The following PODN variants were observed in gnomAD, a reference collection of about 807,000 sequenced individuals.
PODN encodes podocan proteoglycan.
PODN carries 40 observed loss-of-function variants against 52.7 expected under a neutral mutation model. The ratio of observed to expected loss-of-function variants is 0.76; its 90% CI spans 0.59 to 0.99. PODN has a LOEUF of 0.99. Among genes scored for constraint, PODN ranks in the 50% least tolerant of loss-of-function variants. The pLI is 0.00. For missense variants in PODN, 720 were observed against 815.1 expected, an observed-to-expected ratio of 0.88 and a Z score of 1.42; for synonymous variants, 396 against 377.9, an observed-to-expected ratio of 1.05 and a Z score of -0.56.
In PODN at chr1:53,070,130, G is replaced by C; in HGVS notation, c.275G>C (p.Gly92Ala). 4 of 1,611,504 alleles carry C rather than the reference G, an allele frequency of 2.5e-6. No homozygotes were observed. Among genetic ancestry groups the C allele is most frequent in the Non-Finnish European group, 3.4e-6 (4 of 1,179,996 alleles). Residue 92 changes from glycine (G) to alanine (A), a missense_variant, in exon 2 of 11, where the codon GGG becomes GCG. Coordinates refer to ENST00000312553, the MANE Select transcript of PODN (RefSeq NM_153703.5). ...CGGIDLREFP[G>A]DLPEHTNHLS... Reference sequence around the variant, plus strand: ...GGTATTGACCTGCGTGAGTTCCCGGGGGACCTGCCTGAGCACACCAACCAC... The same window carrying C: ...GGTATTGACCTGCGTGAGTTCCCGGCGGACCTGCCTGAGCACACCAACCAC...
chr1:53,073,532 C>T (rs1644150172), intron 3 of PODN: 1 of 152,222 alleles, frequency 6.6e-6, no homozygotes. Flanking sequence ...GCTGAGCTTC[C>T]AGAACCTTGT....
chr1:53,076,585 T>C (rs1238758163), intron 5 of PODN, among the ~76,000 whole-genome samples: 2 of 152,204 alleles, frequency 1.3e-5, no homozygotes, highest in African/African-American at 4.8e-5. Context: ...GTCTGTCTCA[T>C]TGGTCATGTC....
intron 3 of PODN, chr1:53,073,503 G>A (rs893560502): frequency 6.6e-6 from 1 of 152,242 alleles, no homozygotes; most frequent in Non-Finnish European, 1.5e-5. Flanking sequence ...GGGATGCGCA[G>A]GAGAGAGGCT....
chr1:53,072,584 G>A (rs902652260), intron 3 of PODN, among the ~76,000 whole-genome samples: 14 of 152,138 alleles, frequency 9.2e-5, no homozygotes, highest in African/African-American at 2.2e-4. Context: ...GGACAACCCC[G>A]GTGCCCTCCC....
rs1644233889 is a variant in PODN, at chr1:53,078,612, A to C, written c.1102A>C (p.Asn368His). 2 of 1,613,040 alleles carry C rather than the reference A, an allele frequency of 1.2e-6. No homozygotes were observed. The highest frequency in any genetic ancestry group is 1.7e-6 in the Non-Finnish European group (2 of 1,179,988). ...GCGGTTGCACACGGTGCACCTGTAC[A>C]ACAACGCGCTGGAGCGCGTGCCCAG... is the stretch of plus-strand genomic sequence containing the variant. ...LKRLHTVHLY[N>H]NALERVPSGL... The change falls in exon 8 of 11, where the codon AAC (asparagine) becomes CAC (histidine). Residue 368 changes from asparagine to histidine, a missense_variant. Transcript: ENST00000312553.
At chr1:53,063,883 G>C (rs932350126) in intron 1 of PODN, among the ~76,000 whole-genome samples, 1 of 152,088 alleles carries the variant, frequency 6.6e-6, no homozygotes, top group Admixed American at 6.5e-5. Context: ...TGGCGGTGGA[G>C]GCCCTTGGCC....
At chr1:53,072,994 G>A (rs192986824) in intron 3 of PODN, 5 of 216,908 alleles carry the variant, frequency 2.3e-5, no homozygotes, top group Non-Finnish European at 3.9e-5. Flanking sequence ...CCCGGGAGGC[G>A]GAGGTTGCAG....
In PODN at chr1:53,071,516, CG is replaced by C; in HGVS notation, c.313-17del. On this transcript the variant is annotated intron_variant, in intron 2 of 10. Coordinates refer to ENST00000312553, the MANE Select transcript of PODN (RefSeq NM_153703.5). ...CCACTAGGCTGATGCTGCTTCCTTG[CG>C]GCCCCCTACCCCCCTAGAACAACCA... 6.2e-7 allele frequency: 1 copy of C among 1,600,244 alleles called. No homozygotes were observed. Among genetic ancestry groups the C allele is most frequent in the Non-Finnish European group, 8.6e-7 (1 of 1,169,340 alleles).
Position 53,080,717 on chromosome 1 carries a change from C to T in PODN, c.1513-11C>T. 1.2e-6 allele frequency: 2 copies of T among 1,612,432 alleles called. No homozygotes were observed. The highest frequency in any genetic ancestry group is 2.2e-5 in the South Asian group (2 of 90,700). The stretch of plus-strand genomic sequence containing the variant: ...GGTGGGAGTCCCTGACTCCCTTGGT[C>T]ACCCCTGCAGCTGCTGGACATCGCC... On this transcript the variant is annotated splice_polypyrimidine_tract_variant and intron_variant, in intron 8 of 10. Coordinates refer to ENST00000312553, the MANE Select transcript of PODN (RefSeq NM_153703.5).
In PODN at chr1:53,079,160, A is replaced by C. The variant is rs933748060; in HGVS notation, c.1512+138A>C. ...CCTCTGGTATGGCCAGGCTGAGCTC[A>C]TTCACCTTCAGGTATCTGCTGGAGA... On this transcript the variant is annotated intron_variant, in intron 8 of 10. Coordinates refer to ENST00000312553, the MANE Select transcript of PODN (RefSeq NM_153703.5). 20 of 1,193,752 alleles carry C rather than the reference A, an allele frequency of 1.7e-5. No homozygotes were observed. The African/African-American group carries it at 2.8e-4, about 17-fold the overall frequency. The allele number at this position is 1,193,752 out of a possible 1,614,324, so 73.9% of individuals were successfully genotyped here.
Position 53,075,631 on chromosome 1 carries a change from AG to A in PODN, c.472-228del, listed in dbSNP as rs144204346. 2.0e-4 allele frequency among the ~76,000 whole-genome samples: 30 copies of A among 152,344 alleles called. No homozygotes were observed. In the East Asian group the frequency reaches 5.0e-3, roughly 25 times the overall value. ...GCGGGATGAACCCAGGAGGACGGGC[AG>A]GGCAGGGGACAAGTCCTGAGGGCCT... On this transcript the variant is annotated intron_variant, in intron 4 of 10. Coordinates refer to ENST00000312553, the MANE Select transcript of PODN (RefSeq NM_153703.5).
At chr1:53,073,468 C>T (rs1304414028) in intron 3 of PODN, 2 of 152,204 alleles carry the variant, frequency 1.3e-5, no homozygotes, top group Non-Finnish European at 2.9e-5. Flanking sequence ...CCCGTGCACC[C>T]CAGGCGGGTG....
In PODN at chr1:53,078,982, C is replaced by A. The variant is rs774901265; in HGVS notation, c.1472C>A (p.Ala491Asp). ...ACCAGCAACCGACTGCGCAGCCGAGCCCTGGGCCCCCGTGCCTGGGTGGAC... is the reference window on the plus strand; with the variant it reads ...ACCAGCAACCGACTGCGCAGCCGAGACCTGGGCCCCCGTGCCTGGGTGGAC... ...YLTSNRLRSRALGPRAWVDLA... is the reference protein window; with the variant it reads ...YLTSNRLRSRDLGPRAWVDLA... The change falls in exon 8 of 11, where the codon GCC becomes GAC. Residue 491 changes from alanine to aspartate, a missense_variant. By Grantham distance (126) the Ala-to-Asp change is moderately radical. Coordinates refer to ENST00000312553, the MANE Select transcript of PODN (RefSeq NM_153703.5). The A allele has an allele frequency of 7.7e-6, 12 of 1,568,572 alleles. No individual in the cohort carries two copies. Among genetic ancestry groups the A allele is most frequent in the Non-Finnish European group, 9.5e-6 (11 of 1,156,362 alleles).
chr1:53,069,938 C>T lies in PODN; in HGVS notation c.83C>T (p.Pro28Leu), dbSNP rs1644089868. The change falls in exon 2 of 11, where the codon CCA becomes CTA. Residue 28 changes from proline to leucine, a missense_variant. By Grantham distance (98) the Pro-to-Leu change is moderately conservative. Transcript: ENST00000312553. ...GGACCTGTGCTTGCCGTGAGGGCCC[C>T]AGGATTTGGCCGAAGTGGCGGCCAC... ...HLGPVLAVRAPGFGRSGGHSL... is the reference protein window; with the variant it reads ...HLGPVLAVRALGFGRSGGHSL... 1.3e-6 allele frequency: 2 copies of T among 1,590,078 alleles called. No homozygotes were observed. The highest frequency in any genetic ancestry group is 8.6e-7 in the Non-Finnish European group (1 of 1,168,862).
rs201582448 is a variant in PODN, at chr1:53,078,373, C to G, written c.863C>G (p.Ser288Cys). ...GLDNETFWKL[S>C]SLEYLDLSSN... ...TTCCCTCCCTGCCCCAGGAAGCTCT[C>G]CAGCCTGGAGTACCTGGATCTGTCC... is the stretch of plus-strand genomic sequence containing the variant. Residue 288 changes from serine (S) to cysteine (C), a missense_variant, in exon 8 of 11, where the codon TCC becomes TGC. Ser to Cys is a moderately radical substitution (Grantham distance 112). Transcript: ENST00000312553. 42 of 1,609,208 alleles carry G rather than the reference C, an allele frequency of 2.6e-5. No individual in the cohort carries two copies. The East Asian group carries it at 7.6e-4, about 29-fold the overall frequency.
In PODN at chr1:53,080,996, A is replaced by G. The variant is rs1354473479; in HGVS notation, c.1661+120A>G. ...TGCTGCCTGTGTAACCACGGCTCAG[A>G]TCTCAAGGGTGGGGACAGTCCTGGC... is the stretch of plus-strand genomic sequence containing the variant. On this transcript the variant is annotated intron_variant, in intron 9 of 10. Coordinates refer to ENST00000312553, the MANE Select transcript of PODN (RefSeq NM_153703.5). 3.6e-5 allele frequency: 49 copies of G among 1,356,508 alleles called. No individual in the cohort carries two copies. The South Asian group carries it at 5.2e-4, about 14-fold the overall frequency. 84.0% of individuals were successfully genotyped at this position (1,356,508 alleles called of 1,614,324 possible).
rs148714517 is a variant in PODN at position 53,063,501 on chromosome 1, C to T, written c.-56+1193C>T. The T allele has an allele frequency of 0.06, 59,002 of 985,540 alleles. 2,024 individuals carry two copies. Among genetic ancestry groups the T allele is most frequent in the Middle Eastern group, 0.12 (228 of 1,916 alleles). The allele number at this position is 985,540 out of a possible 1,614,324, so 61.0% of individuals were successfully genotyped here. A position where few individuals can be genotyped will look rare whatever the true frequency, so the allele number is the denominator to read the frequency against. On this transcript the variant is annotated intron_variant, in intron 1 of 10. Transcript: ENST00000312553. ...CCACACTGGGAAGGCAGCGGCGAGG[C>T]AGGAGGGCTCATGGTGAGCAAGGAG...
chr1:53,063,327 G>A (rs1643986688), intron 1 of PODN: 3 of 983,552 alleles, frequency 3.1e-6, no homozygotes, highest in Non-Finnish European at 3.6e-6. Context: ...AGCGCTTGGA[G>A]TGAATTACTG....
chr1:53,078,762 A>G lies in PODN; in HGVS notation c.1252A>G (p.Ser418Gly). The change falls in exon 8 of 11, where the codon AGC becomes GGC. Residue 418 changes from serine (S) to glycine (G), a missense_variant. Ser to Gly is a moderately conservative substitution (Grantham distance 56, BLOSUM62 0). Transcript: ENST00000312553. ...CAACCTCAGCTACAACCGCATCACC[A>G]GCCCGCAGGTGCACCGCGACGCCTT... ...ELNLSYNRIT[S>G]PQVHRDAFRK... 1 of 1,613,382 alleles carries G rather than the reference A, an allele frequency of 6.2e-7. No individual in the cohort carries two copies. The highest frequency in any genetic ancestry group is 8.5e-7 in the Non-Finnish European group (1 of 1,179,964).
Sources: gnomAD v4.1 joint callset for allele counts (sites outside exome capture counted in the v4.1 genomes callset) on GRCh38, gnomAD v4.1.1 for gene constraint, MANE v1.5 for transcripts, NCBI Gene and HGNC (gene_info 2026-07-23, HGNC 2026-07-21) for gene names.